TNKS2: variants seen among roughly 807,000 people sequenced by gnomAD.
TNKS2 encodes tankyrase 2.
Under a neutral mutation model 137.6 loss-of-function variants are expected in TNKS2, and 72 were observed. The observed-to-expected ratio is 0.52, with a 90% confidence interval of 0.43 to 0.64. The LOEUF is 0.64. Ranked by LOEUF, TNKS2 falls within the 30% of genes least tolerant of loss-of-function variation. The pLI is 0.00. For synonymous variants in TNKS2, 516 were observed against 512.1 expected (o/e 1.01, Z -0.10); for missense variants, 1,049 against 1,410.2 (o/e 0.74, Z 4.10).
rs78030016 is a variant in TNKS2, at chr10:91,835,231, T to C, written c.1447+1207T>C. 1.4e-3 allele frequency among the ~76,000 whole-genome samples: 216 copies of C among 152,162 alleles called. 1 individual carries two copies. The highest frequency in any genetic ancestry group is 4.9e-3 in the African/African-American group (205 of 41,530). ...GATATTTAATCTGCATTTCTGATTA[T>C]GAGTAAGTTTGAACATAATTTTAAT... On this transcript the variant is annotated intron_variant, in intron 12 of 26. Transcript: ENST00000371627.
At chr10:91,840,481 A>T in intron 13 of TNKS2, 80 bp from the exon 14 acceptor site, 1 of 1,311,938 alleles carries the variant, frequency 7.6e-7, no homozygotes. Context: ...AGACACTTTG[A>T]AAATTCCTAC....
intron 25 of TNKS2, 97 bp from the exon 26 acceptor site, chr10:91,861,902 T>C (rs2133688037): frequency 9.6e-7 from 1 of 1,043,794 alleles, no homozygotes; most frequent in East Asian, 2.7e-5. Flanking sequence ...AGTATTTATG[T>C]ATAAATAATT....
chr10:91,836,832 T>C, intron 12 of TNKS2, 87 bp from the exon 13 acceptor site: 1 of 1,499,348 alleles, frequency 6.7e-7, no homozygotes, highest in Non-Finnish European at 8.9e-7. Context: ...AAAAGAACTT[T>C]GCTTTCTGAT....
At chr10:91,804,345 A>G (rs1844260869) in intron 1 of TNKS2, among the ~76,000 whole-genome samples, 1 of 152,236 alleles carries the variant, frequency 6.6e-6, no homozygotes, top group Non-Finnish European at 1.5e-5. Context: ...GTCAACAAGT[A>G]TACTTTACAG....
chr10:91,823,331 T>G (rs1489226393), intron 7 of TNKS2, among the ~76,000 whole-genome samples: 6 of 131,392 alleles, frequency 4.6e-5, no homozygotes, highest in Admixed American at 7.6e-5. Context: ...TTTTTTTTTT[T>G]TTTTTTTTTT....
intron 3 of TNKS2, 44 bp downstream of exon 3, chr10:91,817,273 C>A: frequency 6.9e-7 from 1 of 1,449,968 alleles, no homozygotes; most frequent in Non-Finnish European, 9.5e-7. Context: ...CTGTAAAGAA[C>A]AACCTTGCCA....
rs1257027166 is a variant in TNKS2, at chr10:91,826,992, T to G, written c.796-25T>G. 4 of 1,486,704 alleles carry G rather than the reference T, an allele frequency of 2.7e-6. No individual in the cohort carries two copies. The South Asian group carries it at 5.8e-5, about 21-fold the overall frequency. The allele number at this position is 1,486,704 out of a possible 1,614,324, so 92.1% of individuals were successfully genotyped here. On this transcript the variant is annotated intron_variant, in intron 7 of 26. Transcript: ENST00000371627. ...CTGAATTCTTTTAAAAATTGAACAT[T>G]AAATATATGCTTTTTGCTCTCCAGC... is the stretch of plus-strand genomic sequence containing the variant.
At chr10:91,805,003 A>T (rs936616866) in intron 1 of TNKS2, among the ~76,000 whole-genome samples, 2 of 152,134 alleles carry the variant, frequency 1.3e-5, no homozygotes, top group Non-Finnish European at 2.9e-5. Context: ...ACCTCAGGTG[A>T]TCCACCCACC....
chr10:91,808,203 C>A (rs1025534946), intron 1 of TNKS2, among the ~76,000 whole-genome samples: 4 of 151,570 alleles, frequency 2.6e-5, no homozygotes, highest in South Asian at 2.1e-4. Context: ...ATGGGATGGT[C>A]AGGGATAGCC....
At chr10:91,821,444 A>G (rs1200084806) in intron 6 of TNKS2, among the ~76,000 whole-genome samples, 1 of 152,078 alleles carries the variant, frequency 6.6e-6, no homozygotes, top group African/African-American at 2.4e-5. Context: ...CAAAAATAGT[A>G]AGGAAAGCCA....
intron 9 of TNKS2, 31 bp downstream of exon 9, chr10:91,828,437 C>A (rs1223055122): frequency 6.6e-6 from 10 of 1,524,706 alleles, no homozygotes; most frequent in Non-Finnish European, 8.8e-6. Flanking sequence ...TTTTAAAATA[C>A]AATAACGAAG....
chr10:91,800,627 A>C (rs1844136155), intron 1 of TNKS2, among the ~76,000 whole-genome samples: 1 of 152,052 alleles, frequency 6.6e-6, no homozygotes, highest in Non-Finnish European at 1.5e-5. Context: ...AAACCAACCC[A>C]CCCCTCACAA....
chr10:91,841,823 T>G (rs1256785450), intron 15 of TNKS2, among the ~76,000 whole-genome samples: 1 of 152,144 alleles, frequency 6.6e-6, no homozygotes, highest in African/African-American at 2.4e-5. Flanking sequence ...CAGTGGATAT[T>G]TTACAATAAC....
chr10:91,811,399 G>A (rs1270192519), intron 1 of TNKS2, among the ~76,000 whole-genome samples: 1 of 151,748 alleles, frequency 6.6e-6, no homozygotes, highest in Non-Finnish European at 1.5e-5. Flanking sequence ...ATTGCCTTAG[G>A]TAAGTCTTTT....
At chr10:91,858,118 A>C (rs1236792968) in intron 24 of TNKS2, among the ~76,000 whole-genome samples, 6 of 152,194 alleles carry the variant, frequency 3.9e-5, no homozygotes, top group African/African-American at 1.4e-4. Context: ...TTAATGTAGT[A>C]TTTATGAGGG....
At position 91,833,954 on chromosome 10, in the gene TNKS2, T is replaced by A. The variant is rs61756246; in HGVS notation, c.1377T>A (p.Pro459=). ...TACTCCTGAGCTATGGGTGTGATCC[T>A]AACATTATATCCCTTCAGGGCTTTA... is the stretch of plus-strand genomic sequence containing the variant. ...CRLLLSYGCD[P]NIISLQGFTA... is the part of the protein sequence containing the mutation. Residue 459 remains proline (P), a synonymous_variant, in exon 12 of 27, where the codon CCT becomes CCA. Transcript: ENST00000371627. The A allele has an allele frequency of 2.0e-5, 33 of 1,613,760 alleles. No homozygotes were observed. Among genetic ancestry groups the A allele is most frequent in the African/African-American group, 2.7e-5 (2 of 74,924 alleles).
chr10:91,854,673 G>T (rs1436881457), intron 21 of TNKS2, among the ~76,000 whole-genome samples: 1 of 152,058 alleles, frequency 6.6e-6, no homozygotes. Context: ...GGAGGCTAAG[G>T]CAGGTGGATC....
At chr10:91,851,692 T>C (rs1266137471) in intron 21 of TNKS2, among the ~76,000 whole-genome samples, 1 of 152,212 alleles carries the variant, frequency 6.6e-6, no homozygotes, top group Admixed American at 6.5e-5. Flanking sequence ...CTTATGGTAA[T>C]ATAATAGATA....
At chr10:91,846,366 T>C (rs1019893179) in intron 18 of TNKS2, among the ~76,000 whole-genome samples, 1 of 152,168 alleles carries the variant, frequency 6.6e-6, no homozygotes, top group Non-Finnish European at 1.5e-5. Flanking sequence ...TAGAGATTCC[T>C]TTTCCTCCCA....
Sources: gnomAD v4.1 joint callset for allele counts (sites outside exome capture counted in the v4.1 genomes callset) on GRCh38, gnomAD v4.1.1 for gene constraint, MANE v1.5 for transcripts, NCBI Gene and HGNC (gene_info 2026-07-23, HGNC 2026-07-21) for gene names.